Variants in KRTAP9-9 observed in about 807,000 individuals in gnomAD.
The protein encoded by KRTAP9-9 is keratin associated protein 9-9.
KRTAP9-9 carries 12 observed loss-of-function variants against 13.7 expected under a neutral mutation model. The ratio of observed to expected loss-of-function variants is 0.88; its 90% CI spans 0.56 to 1.42. The LOEUF is 1.42. Ranked by LOEUF, KRTAP9-9 falls within the 40% of genes most tolerant of loss-of-function variation. The pLI is 0.00. For missense variants in KRTAP9-9, 194 were observed against 206.5 expected, an observed-to-expected ratio of 0.94 and a Z score of 0.37; for synonymous variants, 81 against 78.1, an observed-to-expected ratio of 1.04 and a Z score of -0.19.
At chr17:41,255,510 G>T (rs2016302175) in exon 1 of KRTAP9-9, 1 of 1,612,528 alleles carries the variant, frequency 6.2e-7, no homozygotes. Context: ...GTGTCTAGCT[G>T]CTGCCAGCCT....
exon 1 of KRTAP9-9, chr17:41,255,907 G>A: frequency 6.2e-7 from 1 of 1,613,632 alleles, no homozygotes; most frequent in Non-Finnish European, 8.5e-7. Flanking sequence ...CAAGTCCCAA[G>A]AGAACAACCA....
rs183855102 is a variant in KRTAP9-9 at position 41,255,744 on chromosome 17, C to G, written c.359C>G (p.Thr120Ser). ...AGAAGAACCTGCTACTACCCGACGA[C>G]TGTCTGCCTGCCTGGTTGCCTCAAC... Residue 120 changes from threonine (T) to serine (S), a missense_variant, in exon 1 of 1, where the codon ACT becomes AGT. Coordinates refer to ENST00000394008, the Ensembl canonical transcript of KRTAP9-9. 1.1e-3 allele frequency: 1,745 copies of G among 1,613,586 alleles called. 17 individuals carry two copies. In the African/African-American group the frequency reaches 0.02, roughly 19 times the overall value.
exon 1 of KRTAP9-9, chr17:41,255,824 A>C (rs1486229507): frequency 6.2e-7 from 1 of 1,612,754 alleles, no homozygotes; most frequent in Non-Finnish European, 8.5e-7. Flanking sequence ...CTGCTGTGAG[A>C]CCACCTGCTG....
At chr17:41,255,895 A>T (rs986783687) in exon 1 of KRTAP9-9, 12 of 1,613,918 alleles carry the variant, frequency 7.4e-6, no homozygotes, top group African/African-American at 1.3e-5. Context: ...CTTGCTGCTG[A>T]TCAAGTCCCA....
exon 1 of KRTAP9-9, chr17:41,255,621 C>A: frequency 9.9e-6 from 16 of 1,611,516 alleles, no homozygotes; most frequent in East Asian, 2.2e-5. Flanking sequence ...TGCAGCACAA[C>A]CTGCTGCCAG....
chr17:41,256,244 A>G (rs1176946018), exon 1 of KRTAP9-9: 6 of 411,438 alleles, frequency 1.5e-5, no homozygotes, highest in South Asian at 3.9e-5. Context: ...TTTCTTTTCA[A>G]TATACTCATG....
At chr17:41,256,230 A>C in exon 1 of KRTAP9-9, 1 of 455,534 alleles carries the variant, frequency 2.2e-6, no homozygotes. Context: ...CTTCACAACT[A>C]TGTTTTCTTT....
At chr17:41,255,495 G>T (rs1334472956) in exon 1 of KRTAP9-9, 15 of 1,611,560 alleles carry the variant, frequency 9.3e-6, no homozygotes, top group African/African-American at 1.3e-5. Context: ...CAGCCCTCCT[G>T]CTGTGTGTCT....
rs372875172 is a variant in KRTAP9-9, at chr17:41,255,627, G to A, written c.242G>A (p.Cys81Tyr). The A allele has an allele frequency of 1.3e-4, 214 of 1,611,148 alleles. No homozygotes were observed. Among genetic ancestry groups the A allele is most frequent in the Non-Finnish European group, 1.7e-4 (199 of 1,179,550 alleles). The change falls in exon 1 of 1, where the codon TGC becomes TAC. Residue 81 changes from cysteine (C) to tyrosine (Y), a missense_variant. Transcript: ENST00000394008. Reference sequence around the variant, plus strand: ...CCTTCCTGCTGCAGCACAACCTGCTGCCAGCCCATCTGCTGTGGGTCCAGC... The same window carrying A: ...CCTTCCTGCTGCAGCACAACCTGCTACCAGCCCATCTGCTGTGGGTCCAGC...
At chr17:41,256,353 C>A in exon 1 of KRTAP9-9, 1 of 195,772 alleles carries the variant, frequency 5.1e-6, no homozygotes, top group African/African-American at 2.4e-5. Flanking sequence ...AAATTTGGAA[C>A]TATTATTCAT....
At chr17:41,255,722 A>G in exon 1 of KRTAP9-9, 2 of 1,613,754 alleles carry the variant, frequency 1.2e-6, no homozygotes, top group Middle Eastern at 1.7e-4. Flanking sequence ...GTACTGCAGA[A>G]GAACCTGCTA....
At chr17:41,255,426 G>T in exon 1 of KRTAP9-9, 1 of 1,598,822 alleles carries the variant, frequency 6.3e-7, no homozygotes, top group Non-Finnish European at 8.5e-7. Context: ...CCTACCTGCT[G>T]CAGGACCACC....
chr17:41,255,719 A>G lies in KRTAP9-9; in HGVS notation c.334A>G (p.Arg112Gly), dbSNP rs748292553. 5.6e-6 allele frequency: 9 copies of G among 1,613,260 alleles called. No homozygotes were observed. In the South Asian group the frequency reaches 6.6e-5, roughly 12 times the overall value. ...CAGCTCCTGTGCACCTGTGTACTGC[A>G]GAAGAACCTGCTACTACCCGACGAC... Residue 112 changes from arginine to glycine, a missense_variant, in exon 1 of 1, where the codon AGA becomes GGA. By Grantham distance (125) the Arg-to-Gly change is moderately radical. Coordinates refer to ENST00000394008, the Ensembl canonical transcript of KRTAP9-9.
At chr17:41,255,892 C>T in exon 1 of KRTAP9-9, 1 of 1,614,020 alleles carries the variant, frequency 6.2e-7, no homozygotes, top group Non-Finnish European at 8.5e-7. Context: ...CTTCTTGCTG[C>T]TGATCAAGTC....
At chr17:41,255,528 G>T in exon 1 of KRTAP9-9, 1 of 1,612,886 alleles carries the variant, frequency 6.2e-7, no homozygotes, top group Non-Finnish European at 8.5e-7. Flanking sequence ...CCTTGCTGCC[G>T]CCCAGCTTGC....
chr17:41,256,217 A>G (rs1308118049), exon 1 of KRTAP9-9: 1 of 498,656 alleles, frequency 2.0e-6, no homozygotes, highest in South Asian at 3.1e-5. Flanking sequence ...AATGATTAAG[A>G]ATCTTCACAA....
chr17:41,256,040 T>C (rs949609716), exon 1 of KRTAP9-9: 1 of 1,470,168 alleles, frequency 6.8e-7, no homozygotes, highest in Admixed American at 2.1e-5. Context: ...TAAAATCTTG[T>C]GAATCAGCTT....
chr17:41,255,605 TCCTGCTGCAGCACAA>T lies in KRTAP9-9; in HGVS notation c.229_243del (p.Ser77_Cys81del), dbSNP rs764528206. ...CTGTCTGACCAGCTGCTGCCAGCCTTCCTGCTGCAGCACAACCTGCTGCCAGCCCATCTGCTGTGG... is the reference window on the plus strand; with the variant it reads ...CTGTCTGACCAGCTGCTGCCAGCCTTCCTGCTGCCAGCCCATCTGCTGTGG... On this transcript the variant is annotated inframe_deletion, in exon 1 of 1. Transcript: ENST00000394008. 7.4e-6 allele frequency: 12 copies of T among 1,613,240 alleles called. No individual in the cohort carries two copies. The East Asian group carries it at 1.8e-4, about 24-fold the overall frequency.
rs778462355 is a variant in KRTAP9-9 at position 41,255,612 on chromosome 17, G to A, written c.227G>A (p.Cys76Tyr). The A allele has an allele frequency of 1.1e-4, 180 of 1,613,626 alleles. No individual in the cohort carries two copies. Among genetic ancestry groups the A allele is most frequent in the Non-Finnish European group, 1.4e-4 (162 of 1,179,884 alleles). The stretch of plus-strand genomic sequence containing the variant: ...ACCAGCTGCTGCCAGCCTTCCTGCT[G>A]CAGCACAACCTGCTGCCAGCCCATC... The change falls in exon 1 of 1, where the codon TGC becomes TAC. Residue 76 changes from cysteine to tyrosine, a missense_variant. Physicochemically the swap from Cys to Tyr is radical, Grantham distance 194 (BLOSUM62 -2). Coordinates refer to ENST00000394008, the Ensembl canonical transcript of KRTAP9-9.
Sources: gnomAD v4.1 joint callset for allele counts on GRCh38, gnomAD v4.1.1 for gene constraint, MANE v1.5 for transcripts, NCBI Gene and HGNC (gene_info 2026-07-23, HGNC 2026-07-21) for gene names.